Variants in ATAD1 observed in about 807,000 individuals in gnomAD.
The protein encoded by ATAD1 is ATPase family AAA domain containing 1.
ATAD1 carries 18 observed loss-of-function variants against 42.7 expected under a neutral mutation model. The ratio of observed to expected loss-of-function variants is 0.42; its 90% CI spans 0.29 to 0.63. ATAD1 has a LOEUF of 0.63. Among genes scored for constraint, ATAD1 ranks in the 20% least tolerant of loss-of-function variants. The probability of loss-of-function intolerance (pLI) is 0.19; values close to 1 mark genes in which losing one functional copy is unlikely to be tolerated. For synonymous variants in ATAD1, 132 were observed against 143.1 expected (o/e 0.92, Z 0.55); for missense variants, 294 against 440.4 (o/e 0.67, Z 2.98).
chr10:87,820,559 A>G (rs749686950), upstream of ATAD1, among the ~76,000 whole-genome samples: 15 of 152,210 alleles, frequency 9.9e-5, no homozygotes, highest in Non-Finnish European at 1.6e-4. Flanking sequence ...GTATGGTTAC[A>G]TCTAGTCTCA....
At chr10:87,801,815 T>C (rs1856710611) in intron 2 of ATAD1, among the ~76,000 whole-genome samples, 1 of 152,100 alleles carries the variant, frequency 6.6e-6, no homozygotes, top group African/African-American at 2.4e-5. Flanking sequence ...GATTGTGACA[T>C]CAAAATAGAA....
intron 8 of ATAD1, among the ~76,000 whole-genome samples, chr10:87,765,644 G>A (rs1234398779): frequency 6.6e-6 from 1 of 152,124 alleles, no homozygotes; most frequent in Non-Finnish European, 1.5e-5. Context: ...CAAAATATAT[G>A]AATATACAGT....
chr10:87,814,035 A>G (rs909255323), intron 2 of ATAD1, among the ~76,000 whole-genome samples: 3 of 152,116 alleles, frequency 2.0e-5, no homozygotes, highest in Non-Finnish European at 4.4e-5. Context: ...AGTGTAGCTT[A>G]TAAGTTTAAG....
chr10:87,756,653 G>A (rs1854235050), intron 9 of ATAD1, 136 bp downstream of exon 9: 1 of 792,038 alleles, frequency 1.3e-6, no homozygotes, highest in African/African-American at 1.8e-5. Context: ...AATAAATAAA[G>A]TTGCAGGGGG....
chr10:87,840,784 G>A (rs1264052296), intron 1 of ATAD1, among the ~76,000 whole-genome samples: 1 of 152,122 alleles, frequency 6.6e-6, no homozygotes, highest in Non-Finnish European at 1.5e-5. Flanking sequence ...CCATACCAAA[G>A]TGTAGAAAGA....
At position 87,790,404 on chromosome 10, in the gene ATAD1, T is replaced by C. The variant is rs375349201; in HGVS notation, c.288A>G (p.Leu96=). Residue 96 remains leucine, a synonymous_variant, in exon 4 of 10, where the codon TTA becomes TTG. Coordinates refer to ENST00000680024, the MANE Select transcript of ATAD1 (RefSeq NM_001321967.2). The part of the protein sequence containing the change: ...MHVTWSDIAG[L]DDVITDLKDT... ...CTTTCAGATCCGTAATGACATCATC[T>C]AAACCTGCTATATCACTCCAAGTAA... The C allele has an allele frequency of 6.2e-7, 1 of 1,611,412 alleles. No individual in the cohort carries two copies. The highest frequency in any genetic ancestry group is 1.3e-5 in the African/African-American group (1 of 74,828).
intron 2 of ATAD1, among the ~76,000 whole-genome samples, chr10:87,799,513 A>G (rs1475586356): frequency 6.6e-6 from 1 of 152,184 alleles, no homozygotes; most frequent in Non-Finnish European, 1.5e-5. Flanking sequence ...AGTTCAGCCT[A>G]TGCCCAGGAA....
chr10:87,815,533 G>T (rs990432410), intron 1 of ATAD1, among the ~76,000 whole-genome samples: 1 of 151,888 alleles, frequency 6.6e-6, no homozygotes, highest in African/African-American at 2.4e-5. Context: ...ATATATATTT[G>T]TACTTACATA....
At chr10:87,765,236 A>AGT (rs1312746380) in intron 8 of ATAD1, among the ~76,000 whole-genome samples, 1 of 152,124 alleles carries the variant, frequency 6.6e-6, no homozygotes, top group Non-Finnish European at 1.5e-5. Context: ...TTTTGATAAA[A>AGT]GTAGTATCTC....
Position 87,790,397 on chromosome 10 carries a change from C to A in ATAD1, c.295G>T (p.Val99Phe), listed in dbSNP as rs1477465991. Reference protein sequence around the residue: ...TWSDIAGLDDVITDLKDTVIL... With the variant: ...TWSDIAGLDDFITDLKDTVIL... ...ACTGTGTCTTTCAGATCCGTAATGACATCATCTAAACCTGCTATATCACTC... is the reference window on the plus strand; with the variant it reads ...ACTGTGTCTTTCAGATCCGTAATGAAATCATCTAAACCTGCTATATCACTC... The change falls in exon 4 of 10, where the codon GTC (valine) becomes TTC (phenylalanine). Residue 99 changes from valine to phenylalanine, a missense_variant. Val to Phe is a conservative substitution (Grantham distance 50, BLOSUM62 -1). This residue lies in a region of ATAD1 where 121 missense variants were observed against 187.3 expected (regional missense o/e 0.65). Transcript: ENST00000680024. 1 of 1,612,146 alleles carries A rather than the reference C, an allele frequency of 6.2e-7. No homozygotes were observed. Among genetic ancestry groups the A allele is most frequent in the African/African-American group, 1.3e-5 (1 of 74,936 alleles).
chr10:87,823,693 C>G (rs1050123733), intron 1 of ATAD1, among the ~76,000 whole-genome samples: 2 of 152,142 alleles, frequency 1.3e-5, no homozygotes, highest in African/African-American at 4.8e-5. Context: ...TAAAACAAGA[C>G]CAGATGCTGT....
At chr10:87,770,635 C>T (rs1275328369) in intron 7 of ATAD1, among the ~76,000 whole-genome samples, 1 of 152,152 alleles carries the variant, frequency 6.6e-6, no homozygotes, top group Non-Finnish European at 1.5e-5. Context: ...CTATGCTAAA[C>T]CAAAACTATA....
At chr10:87,810,289 T>C (rs1185769909) in intron 2 of ATAD1, among the ~76,000 whole-genome samples, 2 of 151,960 alleles carry the variant, frequency 1.3e-5, no homozygotes, top group Non-Finnish European at 2.9e-5. Context: ...TGAGATTTGC[T>C]TTATTATCTA....
intron 8 of ATAD1, among the ~76,000 whole-genome samples, chr10:87,766,104 G>A (rs1052853566): frequency 1.3e-5 from 2 of 152,036 alleles, no homozygotes; most frequent in African/African-American, 2.4e-5. Context: ...ATGTTGGCAC[G>A]AAGTTCCATA....
intron 8 of ATAD1, among the ~76,000 whole-genome samples, chr10:87,759,549 C>T (rs754449927): frequency 2.6e-5 from 4 of 152,174 alleles, no homozygotes; most frequent in Admixed American, 2.6e-4. Flanking sequence ...TTGACCACTC[C>T]GTTGTTGGGC....
chr10:87,824,666 C>G (rs1265428030), intron 1 of ATAD1, among the ~76,000 whole-genome samples: 3 of 152,172 alleles, frequency 2.0e-5, no homozygotes, highest in Admixed American at 2.0e-4. Flanking sequence ...TTCCTAGATT[C>G]TGTAAGGACA....
At chr10:87,825,527 T>G (rs1377047562) in intron 1 of ATAD1, among the ~76,000 whole-genome samples, 1 of 152,026 alleles carries the variant, frequency 6.6e-6, no homozygotes, top group Non-Finnish European at 1.5e-5. Flanking sequence ...GCCAGGATGG[T>G]CTCGATCTCC....
chr10:87,784,976 A>G (rs899337868), intron 4 of ATAD1, among the ~76,000 whole-genome samples: 6 of 152,190 alleles, frequency 3.9e-5, no homozygotes, highest in Admixed American at 2.6e-4. Context: ...TGAAAAACAA[A>G]ATCATCTAAG....
At chr10:87,757,904 C>T (rs1854296740) in intron 8 of ATAD1, among the ~76,000 whole-genome samples, 1 of 152,178 alleles carries the variant, frequency 6.6e-6, no homozygotes. Flanking sequence ...ACTGTGACCT[C>T]ACATGACAGT....
Sources: allele counts gnomAD v4.1 joint callset (sites outside exome capture counted in the v4.1 genomes callset), GRCh38; gene constraint gnomAD v4.1.1; regional missense constraint gnomAD v4.1.1; transcripts MANE v1.5; gene names NCBI Gene and HGNC (gene_info 2026-07-23, HGNC 2026-07-21).